The following KLHL1 variants were observed in gnomAD, a reference collection of about 807,000 sequenced individuals.
The protein encoded by KLHL1 is kelch-like protein 1.
KLHL1 carries 47 observed loss-of-function variants against 77.7 expected under a neutral mutation model. That is an observed-to-expected ratio of 0.60 (90% CI 0.48 to 0.77). The LOEUF is 0.77. Ranked by LOEUF, KLHL1 falls within the 30% of genes least tolerant of loss-of-function variation. KLHL1 has a pLI of 0.00. For synonymous variants in KLHL1, 360 were observed against 325.2 expected (o/e 1.11, Z -1.15); for missense variants, 925 against 910.8 (o/e 1.02, Z -0.20).
chr13:69,982,858 C>A (rs1430039823), intron 1 of KLHL1, among the ~76,000 whole-genome samples: 1 of 151,954 alleles, frequency 6.6e-6, no homozygotes, highest in African/African-American at 2.4e-5. Context: ...TATGGGAAAT[C>A]CTAGCCAGAG....
chr13:70,024,634 C>A (rs1444780170), intron 1 of KLHL1, among the ~76,000 whole-genome samples: 2 of 83,646 alleles, frequency 2.4e-5, no homozygotes, highest in East Asian at 2.5e-4. Flanking sequence ...CTCTCTCTCT[C>A]TCTCTCTCTC....
chr13:69,990,415 T>A (rs1218792696), intron 1 of KLHL1, among the ~76,000 whole-genome samples: 1 of 151,978 alleles, frequency 6.6e-6, no homozygotes, highest in Non-Finnish European at 1.5e-5. Flanking sequence ...TATGGTGTCT[T>A]GAAGAGACCC....
intron 4 of KLHL1, among the ~76,000 whole-genome samples, chr13:69,923,979 T>A (rs988455091): frequency 1.3e-5 from 2 of 152,224 alleles, no homozygotes; most frequent in Non-Finnish European, 2.9e-5. Context: ...TCCCGGCACC[T>A]GCTCTGATCT....
chr13:69,731,610 G>T (rs564335881), intron 8 of KLHL1, among the ~76,000 whole-genome samples: 1 of 152,054 alleles, frequency 6.6e-6, no homozygotes, highest in Non-Finnish European at 1.5e-5. Flanking sequence ...GTTCAATAGC[G>T]AACACTTTAT....
chr13:69,730,376 G>T (rs890042565), intron 8 of KLHL1, among the ~76,000 whole-genome samples: 1 of 151,874 alleles, frequency 6.6e-6, no homozygotes, highest in Non-Finnish European at 1.5e-5. Flanking sequence ...AGGCAAATTT[G>T]CTGTGTTAAT....
At chr13:69,841,519 C>A (rs777279853) in intron 5 of KLHL1, among the ~76,000 whole-genome samples, 14 of 151,558 alleles carry the variant, frequency 9.2e-5, no homozygotes, top group Middle Eastern at 3.4e-3. Flanking sequence ...AAGATCTCTA[C>A]AGGGAAAATT....
At chr13:69,913,825 T>C (rs1486186226) in intron 4 of KLHL1, among the ~76,000 whole-genome samples, 1 of 152,182 alleles carries the variant, frequency 6.6e-6, no homozygotes, top group Non-Finnish European at 1.5e-5. Flanking sequence ...ATCCTGAGTG[T>C]CAGCTTGATT....
At chr13:69,748,734 G>A (rs1415531677) in intron 7 of KLHL1, among the ~76,000 whole-genome samples, 2 of 151,882 alleles carry the variant, frequency 1.3e-5, no homozygotes, top group Non-Finnish European at 2.9e-5. Flanking sequence ...CTCGGCAAAT[G>A]ATAAACTTTT....
chr13:69,819,082 A>C (rs1002114431), intron 6 of KLHL1, among the ~76,000 whole-genome samples: 1 of 152,208 alleles, frequency 6.6e-6, no homozygotes, highest in Non-Finnish European at 1.5e-5. Flanking sequence ...TTGCTGCATA[A>C]AAGGCTGTTC....
Position 69,758,476 on chromosome 13 carries a change from C to A in KLHL1, c.1640-17920G>T, listed in dbSNP as rs549043180. On this transcript the variant is annotated intron_variant, in intron 7 of 10. Transcript: ENST00000377844. Reference sequence around the variant, plus strand: ...ACATTTAAATAATCTCTAAACCAGACAAAATGACTTTTTCTTACACAAAAA... The same window carrying A: ...ACATTTAAATAATCTCTAAACCAGAAAAAATGACTTTTTCTTACACAAAAA... Among the ~76,000 whole-genome samples, 4 of 152,144 alleles carry A rather than the reference C, an allele frequency of 2.6e-5. No individual in the cohort carries two copies. The South Asian group carries it at 6.2e-4, about 24-fold the overall frequency.
chr13:70,055,329 C>A (rs1886720284), intron 1 of KLHL1, among the ~76,000 whole-genome samples: 2 of 151,932 alleles, frequency 1.3e-5, no homozygotes, highest in Admixed American at 1.3e-4. Context: ...ATATAATTTC[C>A]TTCAAACATT....
At chr13:69,831,622 C>T (rs974999869) in intron 6 of KLHL1, among the ~76,000 whole-genome samples, 3 of 149,644 alleles carry the variant, frequency 2.0e-5, no homozygotes. Context: ...ACCCTAATAC[C>T]AAAACCAGGA....
chr13:70,006,542 T>A (rs114573088), intron 1 of KLHL1, among the ~76,000 whole-genome samples: 1,915 of 150,998 alleles, frequency 0.013, 42 homozygotes, highest in African/African-American at 0.043. Flanking sequence ...AGGATTTGTA[T>A]TAGTTATTTG....
intron 2 of KLHL1, among the ~76,000 whole-genome samples, chr13:69,972,355 A>G (rs939128737): frequency 2.7e-4 from 41 of 152,108 alleles, no homozygotes; most frequent in African/African-American, 9.1e-4. Flanking sequence ...TCAAATATGT[A>G]CAAACAGTGA....
intron 1 of KLHL1, among the ~76,000 whole-genome samples, chr13:70,057,802 A>AAAAG (rs1317035987): frequency 5.2e-4 from 78 of 148,636 alleles, no homozygotes; most frequent in Non-Finnish European, 7.3e-4. Context: ...AAAAAAAAAA[A>AAAAG]AAAGAAAGAA....
At chr13:69,866,995 T>C (rs1234080449) in intron 5 of KLHL1, among the ~76,000 whole-genome samples, 1 of 152,110 alleles carries the variant, frequency 6.6e-6, no homozygotes, top group Non-Finnish European at 1.5e-5. Context: ...TGTCTAAATA[T>C]TGGACAATAT....
chr13:69,716,583 T>G lies in KLHL1; in HGVS notation c.2015+2786A>C, dbSNP rs1212115528. On this transcript the variant is annotated intron_variant, in intron 9 of 10. Transcript: ENST00000377844. ...TATTACAAAGTCTGGTATAGAAGGT[T>G]CCTATTATCTTGACACCCTTCTTTC... Among the ~76,000 whole-genome samples the G allele has an allele frequency of 2.6e-5, 4 of 152,148 alleles. No individual in the cohort carries two copies. The East Asian group carries it at 7.7e-4, about 29-fold the overall frequency.
At chr13:69,735,591 T>TA (rs542181301) in intron 8 of KLHL1, among the ~76,000 whole-genome samples, 274 of 149,914 alleles carry the variant, frequency 1.8e-3, no homozygotes, top group African/African-American at 6.2e-3. Context: ...TGTAAAATAT[T>TA]AAAAAATATA....
chr13:69,899,280 A>C (rs1377875602), intron 4 of KLHL1, among the ~76,000 whole-genome samples: 1 of 152,174 alleles, frequency 6.6e-6, no homozygotes, highest in African/African-American at 2.4e-5. Context: ...GCTTCCCTGA[A>C]GTGTGCACAA....
Sources: gnomAD v4.1 joint callset for allele counts (sites outside exome capture counted in the v4.1 genomes callset) on GRCh38, gnomAD v4.1.1 for gene constraint, MANE v1.5 for transcripts, NCBI Gene and HGNC (gene_info 2026-07-23, HGNC 2026-07-21) for gene names.